The following TMEM132D variants were observed in gnomAD, a reference collection of about 807,000 sequenced individuals.
TMEM132D encodes transmembrane protein 132D, also known as mature OL transmembrane protein.
TMEM132D carries 21 observed loss-of-function variants against 62.3 expected under a neutral mutation model. The observed-to-expected ratio is 0.34, with a 90% CI of 0.24 to 0.49. The LOEUF (loss-of-function observed/expected upper bound fraction) is 0.49. TMEM132D is among the 20% of genes least tolerant of loss of function. The pLI is 0.99. For missense variants in TMEM132D, 1,346 were observed against 1,402.8 expected (o/e 0.96, Z 0.65); for synonymous variants, 621 against 575.6 (o/e 1.08, Z -1.13).
chr12:129,777,319 T>G (rs571763390), intron 1 of TMEM132D, among the ~76,000 whole-genome samples: 1 of 152,338 alleles, frequency 6.6e-6, no homozygotes, highest in Non-Finnish European at 1.5e-5. Context: ...ACACCCATTT[T>G]TTTCTATGTG....
chr12:129,895,819 A>G (rs1191865461), intron 1 of TMEM132D, among the ~76,000 whole-genome samples: 1 of 44,610 alleles, frequency 2.2e-5, no homozygotes, highest in Non-Finnish European at 4.6e-5. Context: ...TTCCCCTAGT[A>G]AAAAAAAAAA....
Position 129,779,417 on chromosome 12 carries a change from T to G in TMEM132D, c.80-78719A>C, listed in dbSNP as rs1162747492. On this transcript the variant is annotated intron_variant, in intron 1 of 8. Transcript: ENST00000422113. The surrounding 1 kb of genome is among the most constrained non-coding windows in gnomAD (Gnocchi z 4.1). Reference sequence around the variant, plus strand: ...GATCCTCCCACCTCAGCCTCCCAAGTAGCAGGAACTGCAGGTGTCCACCCA... The same window carrying G: ...GATCCTCCCACCTCAGCCTCCCAAGGAGCAGGAACTGCAGGTGTCCACCCA... Among the ~76,000 whole-genome samples the G allele has an allele frequency of 6.6e-6, 1 of 152,046 alleles. No individual in the cohort carries two copies. The highest frequency in any genetic ancestry group is 1.5e-5 in the Non-Finnish European group (1 of 68,000).
At chr12:129,105,450 G>A (rs1329282976) in intron 5 of TMEM132D, among the ~76,000 whole-genome samples, 2 of 140,132 alleles carry the variant, frequency 1.4e-5, no homozygotes. Context: ...GCTAGATGAC[G>A]AGTTAGTGGG....
Position 129,187,807 on chromosome 12 carries a change from G to T in TMEM132D, c.1443+21713C>A, listed in dbSNP as rs80044370. ...AAGAGATTTACCTGCACTTACTGCT[G>T]ACGGAAACAGTTTCTCCACTCTTAC... On this transcript the variant is annotated intron_variant, in intron 5 of 8. Transcript: ENST00000422113. Among the ~76,000 whole-genome samples the T allele has an allele frequency of 5.9e-3, 904 of 152,338 alleles. 12 individuals are homozygous for T. The highest frequency in any genetic ancestry group is 0.02 in the African/African-American group (849 of 41,578).
intron 1 of TMEM132D, among the ~76,000 whole-genome samples, chr12:129,822,352 A>C (rs528691293): frequency 6.6e-6 from 1 of 152,288 alleles, no homozygotes; most frequent in South Asian, 2.1e-4. Context: ...TTATTACAAC[A>C]GAAGGTCAGA....
chr12:129,201,053 T>C (rs932430300), intron 5 of TMEM132D, among the ~76,000 whole-genome samples: 3 of 152,198 alleles, frequency 2.0e-5, no homozygotes, highest in African/African-American at 7.2e-5. Flanking sequence ...GTTGATGCTG[T>C]TGAAATGCTG....
At chr12:129,537,691 GA>G (rs1876437524) in intron 2 of TMEM132D, among the ~76,000 whole-genome samples, 1 of 152,186 alleles carries the variant, frequency 6.6e-6, no homozygotes, top group African/African-American at 2.4e-5. Context: ...CGGACATAAG[GA>G]AGTAGAGAAC....
intron 4 of TMEM132D, among the ~76,000 whole-genome samples, chr12:129,305,840 T>C (rs1264113425): frequency 6.6e-6 from 1 of 152,210 alleles, no homozygotes; most frequent in Non-Finnish European, 1.5e-5. Flanking sequence ...AGAATCCATC[T>C]GGGTTTGCTA....
chr12:129,152,491 C>T (rs1283950173), intron 5 of TMEM132D, among the ~76,000 whole-genome samples: 2 of 152,158 alleles, frequency 1.3e-5, no homozygotes, highest in African/African-American at 4.8e-5. Flanking sequence ...TCGAAAATCC[C>T]CCAGATTTGA....
intron 3 of TMEM132D, among the ~76,000 whole-genome samples, chr12:129,421,610 T>A (rs73426660): frequency 6.6e-6 from 1 of 152,188 alleles, no homozygotes; most frequent in African/African-American, 2.4e-5. Flanking sequence ...CCTGAATCAA[T>A]AGATTTTCTA....
At chr12:129,384,292 G>C (rs1871041827) in intron 3 of TMEM132D, among the ~76,000 whole-genome samples, 1 of 152,172 alleles carries the variant, frequency 6.6e-6, no homozygotes, top group Admixed American at 6.5e-5. Context: ...ATAAACAAAT[G>C]GCGGCTGGCA....
intron 5 of TMEM132D, among the ~76,000 whole-genome samples, chr12:129,108,556 G>C (rs2135642147): frequency 6.6e-6 from 1 of 152,234 alleles, no homozygotes; most frequent in African/African-American, 2.4e-5. Flanking sequence ...CCTCCCCAAA[G>C]GCTGTGGCTG....
At chr12:129,151,244 C>A (rs1383891273) in intron 5 of TMEM132D, among the ~76,000 whole-genome samples, 1 of 152,222 alleles carries the variant, frequency 6.6e-6, no homozygotes, top group African/African-American at 2.4e-5. Flanking sequence ...AGTGGAGTAG[C>A]TCTGGTGTCC....
At chr12:129,299,585 C>T in intron 4 of TMEM132D, among the ~76,000 whole-genome samples, 1 of 151,580 alleles carries the variant, frequency 6.6e-6, no homozygotes, top group African/African-American at 2.4e-5. Flanking sequence ...CATGGGAGAG[C>T]CCCACCCCAC....
intron 3 of TMEM132D, among the ~76,000 whole-genome samples, chr12:129,502,440 A>G (rs1172363205): frequency 6.6e-6 from 1 of 151,990 alleles, no homozygotes; most frequent in Non-Finnish European, 1.5e-5. Context: ...AGGACTGCAC[A>G]TGGCAGAAGC....
At chr12:129,561,646 G>C (rs544612061) in intron 2 of TMEM132D, among the ~76,000 whole-genome samples, 17 of 152,264 alleles carry the variant, frequency 1.1e-4, no homozygotes, top group African/African-American at 2.9e-4. Context: ...AACCCTATGA[G>C]ACAGAAACCA....
intron 2 of TMEM132D, among the ~76,000 whole-genome samples, chr12:129,557,737 C>T (rs1371947065): frequency 3.3e-5 from 5 of 152,042 alleles, no homozygotes; most frequent in African/African-American, 4.8e-5. Context: ...AAAACAAAAG[C>T]ATGGACAAGT....
At chr12:129,181,536 G>T (rs1306745979) in intron 5 of TMEM132D, among the ~76,000 whole-genome samples, 1 of 152,096 alleles carries the variant, frequency 6.6e-6, no homozygotes, top group East Asian at 1.9e-4. Flanking sequence ...CCCAACCTTG[G>T]CTTGATGTAC....
At position 129,396,050 on chromosome 12, in the gene TMEM132D, A is replaced by C. The variant is rs542427052; in HGVS notation, c.1116-58233T>G. 2.2e-3 allele frequency among the ~76,000 whole-genome samples: 334 copies of C among 148,616 alleles called. 3 individuals are homozygous for C. Among genetic ancestry groups the C allele is most frequent in the African/African-American group, 7.8e-3 (318 of 40,828 alleles). ...AATTATATAGCTATACACTATATAG[A>C]TATTATATGTCTATATATTATGTAT... On this transcript the variant is annotated intron_variant, in intron 3 of 8. Transcript: ENST00000422113.
Sources: gnomAD v4.1 joint callset for allele counts (sites outside exome capture counted in the v4.1 genomes callset) on GRCh38, gnomAD v4.1.1 for gene constraint, Gnocchi (gnomAD v3.1) non-coding constraint, MANE v1.5 for transcripts, NCBI Gene and HGNC (gene_info 2026-07-23, HGNC 2026-07-21) for gene names.